Variants in CREB3L2 observed in about 807,000 individuals in gnomAD.
The protein encoded by CREB3L2 is cyclic AMP-responsive element-binding protein 3-like protein 2.
CREB3L2 carries 23 observed loss-of-function variants against 57.2 expected under a neutral mutation model. The observed-to-expected ratio is 0.40, with a 90% CI of 0.29 to 0.57. The LOEUF (loss-of-function observed/expected upper bound fraction) is 0.57. Among genes scored for constraint, CREB3L2 ranks in the 20% least tolerant of loss-of-function variants. The pLI is 0.42. For synonymous variants in CREB3L2, 268 were observed against 265.1 expected, an observed-to-expected ratio of 1.01 and a Z score of -0.11; for missense variants, 628 against 634.7, an observed-to-expected ratio of 0.99 and a Z score of 0.11.
In CREB3L2 at chr7:137,901,388, G is replaced by A. The variant is rs1799752040; in HGVS notation, c.1009C>T (p.Arg337Trp). The change falls in exon 8 of 12, where the codon CGG becomes TGG. Residue 337 changes from arginine to tryptophan, a missense_variant. Around this residue, in one of 3 missense-constraint regions of CREB3L2, gnomAD observed 272 missense variants for 242.7 expected, o/e 1.12. Transcript: ENST00000330387. ...TTCTCTAGAACCTCTACCTTCTTCC[G>A]AAGCTCCAAGTTCTCAGTTGAACAA... ...ESCSTENLEL[R>W]KKVEVLENTN... The A allele has an allele frequency of 3.1e-6, 5 of 1,608,876 alleles. No individual in the cohort carries two copies. The highest frequency in any genetic ancestry group is 1.7e-4 in the Middle Eastern group (1 of 6,054).
chr7:137,961,214 A>G lies in CREB3L2; in HGVS notation c.103-32848T>C, dbSNP rs1215576367. Among the ~76,000 whole-genome samples, 4 of 149,002 alleles carry G rather than the reference A, an allele frequency of 2.7e-5. No individual in the cohort carries two copies. In the Admixed American group the frequency reaches 2.7e-4, roughly 10 times the overall value. Reference sequence around the variant, plus strand: ...TAAACTGGGGGGTGGGGGGTGGGGGACATGAGAACATTAAAATTTTTCATT... The same window carrying G: ...TAAACTGGGGGGTGGGGGGTGGGGGGCATGAGAACATTAAAATTTTTCATT... On this transcript the variant is annotated intron_variant, in intron 1 of 11. Coordinates refer to ENST00000330387, the MANE Select transcript of CREB3L2 (RefSeq NM_194071.4).
At chr7:137,984,743 T>TG (rs942745612) in intron 1 of CREB3L2, among the ~76,000 whole-genome samples, 2 of 152,216 alleles carry the variant, frequency 1.3e-5, no homozygotes, top group African/African-American at 4.8e-5. Context: ...AAAAAAGCTA[T>TG]GGGGGAATAA....
intron 8 of CREB3L2, among the ~76,000 whole-genome samples, chr7:137,888,507 C>G (rs1485428702): frequency 6.6e-6 from 1 of 152,062 alleles, no homozygotes; most frequent in Non-Finnish European, 1.5e-5. Context: ...CATTCATTCT[C>G]ACAGCGAGAT....
chr7:137,910,233 T>C (rs1161004592), intron 4 of CREB3L2, among the ~76,000 whole-genome samples: 1 of 152,090 alleles, frequency 6.6e-6, no homozygotes, highest in East Asian at 1.9e-4. Flanking sequence ...ATGCTTTTTT[T>C]CTTCTCTCTC....
In CREB3L2 at chr7:137,909,072, C is replaced by A. The variant is rs1260655390; in HGVS notation, c.584-636G>T. On this transcript the variant is annotated intron_variant, in intron 4 of 11. Transcript: ENST00000330387. ...CCAAGATCACACCACTGCCCTCCAG[C>A]CTGGGTGACAGAGCGAGAATCCATC... Among the ~76,000 whole-genome samples, 3 of 152,312 alleles carry A rather than the reference C, an allele frequency of 2.0e-5. No homozygotes were observed. The East Asian group carries it at 5.8e-4, about 29-fold the overall frequency.
At chr7:137,895,254 T>C (rs942962252) in intron 8 of CREB3L2, among the ~76,000 whole-genome samples, 1 of 152,240 alleles carries the variant, frequency 6.6e-6, no homozygotes, top group African/African-American at 2.4e-5. Flanking sequence ...TCCAGAAAGC[T>C]TGCAGCTTAG....
chr7:137,997,833 G>A (rs192739482), intron 1 of CREB3L2, among the ~76,000 whole-genome samples: 38 of 152,248 alleles, frequency 2.5e-4, no homozygotes, highest in Non-Finnish European at 4.6e-4. Flanking sequence ...ACAAATGGCA[G>A]AAATGTCCAA....
chr7:137,886,610 A>G (rs1489364270), intron 8 of CREB3L2, among the ~76,000 whole-genome samples: 2 of 152,192 alleles, frequency 1.3e-5, no homozygotes, highest in Non-Finnish European at 2.9e-5. Context: ...AACATATGAA[A>G]GAACAAAGAT....
intron 2 of CREB3L2, chr7:137,922,456 A>ACG: frequency 8.4e-6 from 1 of 119,514 alleles, no homozygotes; most frequent in African/African-American, 4.1e-5. Context: ...ATATATATAC[A>ACG]CACATATATA....
chr7:137,922,415 T>TATATATATATATATATATATAC (rs1491237233), intron 2 of CREB3L2, among the ~76,000 whole-genome samples: 5 of 23,156 alleles, frequency 2.2e-4, no homozygotes, highest in Admixed American at 7.0e-4. Flanking sequence ...TATATATATA[T>TATATATATATATATATATATAC]GTATATATAT....
chr7:137,998,758 T>C (rs976701182), intron 1 of CREB3L2, among the ~76,000 whole-genome samples: 2 of 152,228 alleles, frequency 1.3e-5, no homozygotes, highest in Non-Finnish European at 2.9e-5. Context: ...ACGTAATTTG[T>C]GAAACCCAGT....
intron 2 of CREB3L2, among the ~76,000 whole-genome samples, chr7:137,922,292 T>G (rs1363692710): frequency 1.3e-5 from 2 of 150,152 alleles, no homozygotes; most frequent in Non-Finnish European, 3.0e-5. Flanking sequence ...TGTGTTTATT[T>G]GTTCTGGGTA....
intron 1 of CREB3L2, among the ~76,000 whole-genome samples, chr7:137,983,661 C>A (rs549619598): frequency 6.6e-6 from 1 of 152,326 alleles, no homozygotes; most frequent in East Asian, 1.9e-4. Flanking sequence ...CTCCTCCAAG[C>A]CACCTTCCCG....
intron 1 of CREB3L2, among the ~76,000 whole-genome samples, chr7:137,997,458 C>T (rs1019448927): frequency 3.3e-5 from 5 of 152,236 alleles, no homozygotes; most frequent in Non-Finnish European, 7.4e-5. Flanking sequence ...CAGTGGCTCA[C>T]ACCTGTAATC....
chr7:137,979,579 A>T (rs1011038361), intron 1 of CREB3L2, among the ~76,000 whole-genome samples: 1 of 152,110 alleles, frequency 6.6e-6, no homozygotes, highest in African/African-American at 2.4e-5. Flanking sequence ...CAAAAAAATT[A>T]GCCGGGCGTG....
intron 1 of CREB3L2, among the ~76,000 whole-genome samples, chr7:137,981,165 C>G (rs537245978): frequency 6.6e-6 from 1 of 151,284 alleles, no homozygotes; most frequent in Non-Finnish European, 1.5e-5. Context: ...GGAAGGCCTG[C>G]GTGAATGAAA....
Position 137,905,708 on chromosome 7 carries a change from C to G in CREB3L2, c.909G>C (p.Lys303Asn). ...KALKKIRRKI[K>N]NKISAQESRR... ...CTAGATTTGAAGAGCTCACCTTATT[C>G]TTGATCTTCCTCCGAATTTTCTTCA... Residue 303 changes from lysine to asparagine, a missense_variant, in exon 6 of 12, where the codon AAG (lysine) becomes AAC (asparagine). Lys to Asn is a moderately conservative substitution (Grantham distance 94, BLOSUM62 0). Transcript: ENST00000330387. The G allele has an allele frequency of 6.2e-7, 1 of 1,614,136 alleles. No homozygotes were observed. Among genetic ancestry groups the G allele is most frequent in the Non-Finnish European group, 8.5e-7 (1 of 1,180,014 alleles).
intron 1 of CREB3L2, among the ~76,000 whole-genome samples, chr7:137,938,992 A>C (rs935683253): frequency 3.3e-5 from 5 of 152,152 alleles, no homozygotes; most frequent in African/African-American, 1.2e-4. Flanking sequence ...CTAGCACATA[A>C]AAATTCAATC....
chr7:137,885,350 A>G (rs1799392473), intron 9 of CREB3L2, 53 bp downstream of exon 9: 6 of 1,454,612 alleles, frequency 4.1e-6, no homozygotes, highest in Non-Finnish European at 4.8e-6. Context: ...GGGAGAGGGG[A>G]GACAGGGGCC....
Sources: gnomAD v4.1 joint callset for allele counts (sites outside exome capture counted in the v4.1 genomes callset) on GRCh38, gnomAD v4.1.1 for gene constraint, gnomAD v4.1.1 regional missense constraint, MANE v1.5 for transcripts, NCBI Gene and HGNC (gene_info 2026-07-23, HGNC 2026-07-21) for gene names.